TBXAS1: variants seen among roughly 807,000 people sequenced by gnomAD.
TBXAS1 encodes thromboxane-A synthase.
In TBXAS1, 48 loss-of-function variants were observed where a neutral mutation model predicts 60.7. The observed-to-expected ratio is 0.79, with a 90% confidence interval of 0.63 to 1.01. The LOEUF is 1.01. Ranked by LOEUF, TBXAS1 falls within the 50% of genes least tolerant of loss-of-function variation. The pLI, the probability that TBXAS1 is intolerant of heterozygous loss-of-function variation, is 0.00. For missense variants in TBXAS1, 685 were observed against 686.3 expected (o/e 1.00, Z 0.02); for synonymous variants, 287 against 269.7 (o/e 1.06, Z -0.63).
At chr7:139,809,450 G>A (rs1797975054) in intron 4 of TBXAS1, among the ~76,000 whole-genome samples, 1 of 152,096 alleles carries the variant, frequency 6.6e-6, no homozygotes, top group Non-Finnish European at 1.5e-5. Flanking sequence ...TATATGAGAA[G>A]GGATTTATTT....
chr7:139,810,370 G>A (rs1442937998), intron 4 of TBXAS1, among the ~76,000 whole-genome samples: 1 of 152,156 alleles, frequency 6.6e-6, no homozygotes, highest in African/African-American at 2.4e-5. Context: ...TGTGACTGCT[G>A]TGACTGCCAG....
chr7:139,856,870 T>G (rs1429241413), intron 1 of TBXAS1, among the ~76,000 whole-genome samples: 1 of 152,092 alleles, frequency 6.6e-6, no homozygotes, highest in African/African-American at 2.4e-5. Context: ...ATGTCAGCGG[T>G]GGAGGCTTTT....
In TBXAS1 at chr7:139,904,985, TTCTCTCTTTC is replaced by T. The variant is rs1206588755; in HGVS notation, c.237-6234_237-6225del. On this transcript the variant is annotated intron_variant, in intron 3 of 12. Coordinates refer to ENST00000448866, the MANE Select transcript of TBXAS1 (RefSeq NM_001061.7). ...CCTCCCTCCCTACCTTTCTTTCTCT[TTCTCTCTTTC>T]TCTCTTTCTCTCTTTCTTTCTTTCT... 2.2e-5 allele frequency among the ~76,000 whole-genome samples: 3 copies of T among 134,676 alleles called. No homozygotes were observed. In the South Asian group the frequency reaches 7.4e-4, roughly 33 times the overall value. 88.4% of individuals were successfully genotyped at this position (134,676 alleles called of 152,430 possible).
At chr7:139,898,922 C>T (rs1804339768) in intron 3 of TBXAS1, among the ~76,000 whole-genome samples, 1 of 151,186 alleles carries the variant, frequency 6.6e-6, no homozygotes, top group South Asian at 2.1e-4. Flanking sequence ...GTTCCTAAGA[C>T]TCTCTGACAC....
At chr7:139,980,799 T>G (rs1354132165) in intron 9 of TBXAS1, among the ~76,000 whole-genome samples, 1 of 151,930 alleles carries the variant, frequency 6.6e-6, no homozygotes, top group African/African-American at 2.4e-5. Flanking sequence ...CAAAGACTCC[T>G]TAAGGCCACT....
At chr7:139,803,393 A>C (rs1797767724) in intron 4 of TBXAS1, among the ~76,000 whole-genome samples, 1 of 152,196 alleles carries the variant, frequency 6.6e-6, no homozygotes, top group Admixed American at 6.5e-5. Flanking sequence ...GTGGTGGAAG[A>C]AATTTCTAAG....
At chr7:139,804,292 T>G (rs181436936) in intron 4 of TBXAS1, among the ~76,000 whole-genome samples, 152 of 152,330 alleles carry the variant, frequency 1.0e-3, no homozygotes, top group African/African-American at 3.6e-3. Flanking sequence ...GGCCTGTAGC[T>G]CCTTTGTTTT....
At position 139,852,117 on chromosome 7, in the gene TBXAS1, C is replaced by G. The variant is rs150842848; in HGVS notation, c.90-20118C>G. Among the ~76,000 whole-genome samples the G allele has an allele frequency of 7.4e-4, 113 of 152,342 alleles. No individual in the cohort carries two copies. Among genetic ancestry groups the G allele is most frequent in the African/African-American group, 2.7e-3 (111 of 41,570 alleles). On this transcript the variant is annotated intron_variant, in intron 1 of 12. Transcript: ENST00000448866. This position sits in a 1 kb window ranked among gnomAD's most constrained non-coding sequence, Gnocchi z 4.4. ...CTCCAGCTTGACCCTGAACCCAAAG[C>G]ACCTAGCTGATCTGCTCGCAGACTC...
At chr7:139,825,869 A>T (rs940465104), upstream of TBXAS1, among the ~76,000 whole-genome samples, 1 of 152,232 alleles carries the variant, frequency 6.6e-6, no homozygotes, top group South Asian at 2.1e-4. Flanking sequence ...GGTAAAATAC[A>T]CTTGAGAAAT....
At chr7:139,824,024 G>C (rs990729610) in intron 4 of TBXAS1, among the ~76,000 whole-genome samples, 5 of 152,236 alleles carry the variant, frequency 3.3e-5, no homozygotes, top group Admixed American at 6.5e-5. Context: ...TTAGCACAGA[G>C]CAGCTGGGAG....
rs1343756714 is a variant in TBXAS1, at chr7:139,921,491, G to A, written c.333+10170G>A. Among the ~76,000 whole-genome samples, 5 of 152,138 alleles carry A rather than the reference G, an allele frequency of 3.3e-5. No homozygotes were observed. The East Asian group carries it at 9.6e-4, about 29-fold the overall frequency. ...AGGCAGGAAGATTGCTTGAGCCCAGGAGTTCGAGACTGGCCTGGGCAACAA... is the reference window on the plus strand; with the variant it reads ...AGGCAGGAAGATTGCTTGAGCCCAGAAGTTCGAGACTGGCCTGGGCAACAA... On this transcript the variant is annotated intron_variant, in intron 4 of 12. Coordinates refer to ENST00000448866, the MANE Select transcript of TBXAS1 (RefSeq NM_001061.7).
At chr7:139,953,217 A>G in intron 5 of TBXAS1, 151 bp from the exon 6 acceptor site, 1 of 694,986 alleles carries the variant, frequency 1.4e-6, no homozygotes, top group Non-Finnish European at 2.6e-6. Context: ...GAATTTTAGG[A>G]TCTTCTTCTT....
chr7:139,868,651 TA>T (rs1219602103), intron 1 of TBXAS1, among the ~76,000 whole-genome samples: 13 of 135,400 alleles, frequency 9.6e-5, no homozygotes, highest in East Asian at 2.0e-4. Context: ...ACCTGGCTAA[TA>T]TTTTTTTTTT....
At chr7:139,860,255 G>A (rs1800869082) in intron 1 of TBXAS1, among the ~76,000 whole-genome samples, 1 of 152,184 alleles carries the variant, frequency 6.6e-6, no homozygotes, top group East Asian at 1.9e-4. Flanking sequence ...CTCTCGGCTG[G>A]CCTTCCCCCA....
intron 1 of TBXAS1, among the ~76,000 whole-genome samples, chr7:139,860,011 C>T (rs138293777): frequency 1.6e-3 from 236 of 152,186 alleles, no homozygotes; most frequent in Admixed American, 5.4e-3. Context: ...CAATAGTGCA[C>T]GCCTGTAGTC....
chr7:139,807,493 C>T (rs948698699), intron 4 of TBXAS1, among the ~76,000 whole-genome samples: 1 of 152,074 alleles, frequency 6.6e-6, no homozygotes, highest in Non-Finnish European at 1.5e-5. Flanking sequence ...AAGTGATTCT[C>T]CTGCCTCAGC....
chr7:139,899,875 T>C (rs989306683), intron 3 of TBXAS1, among the ~76,000 whole-genome samples: 3 of 152,182 alleles, frequency 2.0e-5, no homozygotes, highest in African/African-American at 7.2e-5. Context: ...CTGGAATAGA[T>C]GACAGCATGC....
intron 1 of TBXAS1, among the ~76,000 whole-genome samples, chr7:139,838,355 T>C (rs2116548589): frequency 6.6e-6 from 1 of 152,338 alleles, no homozygotes; most frequent in East Asian, 1.9e-4. Flanking sequence ...AGTTGGTGCC[T>C]AACAAATGCT....
intron 4 of TBXAS1, among the ~76,000 whole-genome samples, chr7:139,813,154 C>T (rs956813336): frequency 2.0e-5 from 3 of 151,684 alleles, no homozygotes; most frequent in Non-Finnish European, 4.4e-5. Context: ...TGAGAAGAAC[C>T]TGGTGGGTCA....
Sources: allele counts gnomAD v4.1 joint callset (sites outside exome capture counted in the v4.1 genomes callset), GRCh38; gene constraint gnomAD v4.1.1; non-coding constraint Gnocchi (gnomAD v3.1); transcripts MANE v1.5; gene names NCBI Gene and HGNC (gene_info 2026-07-23, HGNC 2026-07-21).